Variants in DPP6 observed in about 807,000 individuals in gnomAD.
The protein encoded by DPP6 is A-type potassium channel modulatory protein DPP6.
DPP6 carries 69 observed loss-of-function variants against 122.6 expected under a neutral mutation model. The ratio of observed to expected loss-of-function variants is 0.56; its 90% CI spans 0.46 to 0.69. DPP6 has a LOEUF of 0.69. Among genes scored for constraint, DPP6 ranks in the 30% least tolerant of loss-of-function variants. The pLI, the probability that DPP6 is intolerant of heterozygous loss-of-function variation, is 0.00. For synonymous variants in DPP6, 418 were observed against 433.1 expected (o/e 0.97, Z 0.43); for missense variants, 928 against 1,116.9 (o/e 0.83, Z 2.41).
chr7:154,637,028 A>G (rs1197824260), intron 5 of DPP6, among the ~76,000 whole-genome samples: 1 of 152,200 alleles, frequency 6.6e-6, no homozygotes, highest in African/African-American at 2.4e-5. Context: ...TATGTTCGAC[A>G]AGGTCTCTAC....
intron 1 of DPP6, among the ~76,000 whole-genome samples, chr7:153,969,295 A>T (rs1405903538): frequency 6.7e-6 from 1 of 149,160 alleles, no homozygotes; most frequent in Non-Finnish European, 1.5e-5. Flanking sequence ...TTCTTGAATA[A>T]ATACTCCTCA....
intron 1 of DPP6, among the ~76,000 whole-genome samples, chr7:154,105,846 A>G (rs1490040330): frequency 6.6e-6 from 1 of 151,752 alleles, no homozygotes; most frequent in Non-Finnish European, 1.5e-5. Flanking sequence ...TCCTTTATAA[A>G]TTACCCAGTC....
At chr7:154,651,797 A>G (rs1238972245) in intron 6 of DPP6, among the ~76,000 whole-genome samples, 3 of 152,182 alleles carry the variant, frequency 2.0e-5, no homozygotes, top group African/African-American at 4.8e-5. Context: ...CTGGGCCAAC[A>G]TCACCCCTTG....
intron 1 of DPP6, among the ~76,000 whole-genome samples, chr7:154,270,681 G>A (rs1469682235): frequency 6.6e-6 from 1 of 152,162 alleles, no homozygotes; most frequent in Non-Finnish European, 1.5e-5. Context: ...GGACAAGTCA[G>A]GTAGTGAGTA....
At chr7:154,060,134 C>G (rs1360639585) in intron 1 of DPP6, among the ~76,000 whole-genome samples, 13 of 147,260 alleles carry the variant, frequency 8.8e-5, no homozygotes, top group East Asian at 2.0e-4. Flanking sequence ...AAACCTCCAC[C>G]TTTCCTCCCC....
chr7:154,576,848 G>A (rs1190319814), intron 5 of DPP6, among the ~76,000 whole-genome samples: 1 of 152,162 alleles, frequency 6.6e-6, no homozygotes, highest in Non-Finnish European at 1.5e-5. Context: ...ATTTTCAGAG[G>A]AGTGGTGATT....
intron 8 of DPP6, among the ~76,000 whole-genome samples, chr7:154,759,117 G>C (rs567816544): frequency 1.3e-5 from 2 of 152,256 alleles, no homozygotes; most frequent in South Asian, 4.2e-4. Flanking sequence ...GAAGCTCTGA[G>C]ACCCAGCTTC....
intron 1 of DPP6, among the ~76,000 whole-genome samples, chr7:154,208,409 C>T (rs1799567412): frequency 6.6e-6 from 1 of 152,242 alleles, no homozygotes; most frequent in African/African-American, 2.4e-5. Flanking sequence ...CCCTTCACAA[C>T]CAAAGACAGC....
Position 154,893,008 on chromosome 7 carries a change from G to A in DPP6, c.*528G>A. On this transcript the variant is annotated 3_prime_UTR_variant, in exon 26 of 26. Coordinates refer to ENST00000377770, the MANE Select transcript of DPP6 (RefSeq NM_130797.4). Reference sequence around the variant, plus strand: ...AATGAGGACGTTCAACATGGTGAGGGGCTACAAGAAAACGCTTTTCTGTAC... The same window carrying A: ...AATGAGGACGTTCAACATGGTGAGGAGCTACAAGAAAACGCTTTTCTGTAC... The A allele has an allele frequency of 2.0e-6, 1 of 502,784 alleles. No individual in the cohort carries two copies. Among genetic ancestry groups the A allele is most frequent in the South Asian group, 1.4e-5 (1 of 69,578 alleles). The allele number at this position is 502,784 out of a possible 1,614,324, so 31.1% of individuals were successfully genotyped here.
chr7:154,314,259 G>A (rs1289652536), intron 1 of DPP6, among the ~76,000 whole-genome samples: 1 of 152,144 alleles, frequency 6.6e-6, no homozygotes, highest in African/African-American at 2.4e-5. Context: ...CGCTGTTGCT[G>A]TAAAAAACAA....
chr7:154,084,846 C>T (rs112890177), intron 1 of DPP6, among the ~76,000 whole-genome samples: 8 of 151,394 alleles, frequency 5.3e-5, no homozygotes, highest in South Asian at 4.2e-4. Context: ...AAAAATTAGC[C>T]GGGCATGGTG....
intron 1 of DPP6, among the ~76,000 whole-genome samples, chr7:153,913,352 C>G (rs567404059): frequency 6.6e-6 from 1 of 152,160 alleles, no homozygotes; most frequent in Non-Finnish European, 1.5e-5. Flanking sequence ...GGATTACAGG[C>G]GTGAGCCACT....
intron 8 of DPP6, among the ~76,000 whole-genome samples, chr7:154,757,962 C>T (rs969133620): frequency 4.6e-5 from 7 of 152,258 alleles, no homozygotes; most frequent in East Asian, 1.9e-4. Flanking sequence ...CCAAGTGCCG[C>T]GCTCTCCCCC....
rs117697172 is a variant in DPP6 at position 154,855,384 on chromosome 7, G to A, written c.1714+1557G>A. 5.0e-3 allele frequency among the ~76,000 whole-genome samples: 766 copies of A among 152,270 alleles called. 4 individuals are homozygous for A. The highest frequency in any genetic ancestry group is 7.9e-3 in the Non-Finnish European group (540 of 68,024). ...ATATACAAAAACACTCAGAATGGCC[G>A]TTGGAGGGACCCCGTGCTGAGAAGA... On this transcript the variant is annotated intron_variant, in intron 17 of 25. Transcript: ENST00000377770.
At chr7:154,114,232 T>G (rs897390018) in intron 1 of DPP6, among the ~76,000 whole-genome samples, 2 of 151,814 alleles carry the variant, frequency 1.3e-5, no homozygotes, top group Admixed American at 1.3e-4. Context: ...CATCAGACAA[T>G]TTCCAGTTCA....
intron 1 of DPP6, among the ~76,000 whole-genome samples, chr7:154,324,867 A>ATTTTAT (rs1554518347): frequency 2.7e-5 from 3 of 113,090 alleles, no homozygotes; most frequent in East Asian, 5.1e-4. Context: ...TCCTTTTGTT[A>ATTTTAT]TTTTTTTTTT....
upstream of DPP6, among the ~76,000 whole-genome samples, chr7:153,884,261 T>A (rs186328771): frequency 1.6e-3 from 246 of 152,326 alleles, 1 homozygote; most frequent in Non-Finnish European, 2.8e-3. Flanking sequence ...ACATGCGTTG[T>A]TTGGTTTTTT....
Position 153,942,197 on chromosome 7 carries a change from T to C in DPP6, c.51+54463T>C, listed in dbSNP as rs114053923. On this transcript the variant is annotated intron_variant, in intron 1 of 25. Coordinates refer to the DPP6 transcript ENST00000404039. ...CATTCAATTCACCGCTGCCTTTTTA[T>C]CACGCATCTTCTGTGTGCCAGGCAC... 4.8e-3 allele frequency among the ~76,000 whole-genome samples: 731 copies of C among 152,340 alleles called. 5 individuals are homozygous for C. Among genetic ancestry groups the C allele is most frequent in the African/African-American group, 0.016 (673 of 41,578 alleles).
intron 1 of DPP6, among the ~76,000 whole-genome samples, chr7:153,988,863 G>A (rs1796981695): frequency 6.6e-6 from 1 of 150,868 alleles, no homozygotes; most frequent in Admixed American, 6.6e-5. Flanking sequence ...CTTAAAAAAC[G>A]AAGAGTCAGC....
Sources: allele counts gnomAD v4.1 joint callset (sites outside exome capture counted in the v4.1 genomes callset), GRCh38; gene constraint gnomAD v4.1.1; transcripts MANE v1.5; gene names NCBI Gene and HGNC (gene_info 2026-07-23, HGNC 2026-07-21).